GABBR2: variants seen among roughly 807,000 people sequenced by gnomAD.
GABBR2 encodes G-protein coupled receptor 51.
Under a neutral mutation model 105.6 loss-of-function variants are expected in GABBR2, and 23 were observed. That is an observed-to-expected ratio of 0.22 (90% CI 0.16 to 0.31). The LOEUF is 0.31. Among genes scored for constraint, GABBR2 ranks in the 10% least tolerant of loss-of-function variants. The probability of loss-of-function intolerance (pLI) is 1.00; values close to 1 mark genes in which losing one functional copy is unlikely to be tolerated. For synonymous variants in GABBR2, 478 were observed against 499.7 expected, an observed-to-expected ratio of 0.96 and a Z score of 0.58; for missense variants, 734 against 1,245.5, an observed-to-expected ratio of 0.59 and a Z score of 6.18.
chr9:98,461,283 A>G (rs751601445), intron 6 of GABBR2, among the ~76,000 whole-genome samples: 2 of 152,230 alleles, frequency 1.3e-5, no homozygotes, highest in Non-Finnish European at 2.9e-5. Flanking sequence ...TTAAAGAAGA[A>G]CAAAGATTAA....
At chr9:98,293,054 TG>T (rs1830326159) in intron 18 of GABBR2, among the ~76,000 whole-genome samples, 1 of 152,180 alleles carries the variant, frequency 6.6e-6, no homozygotes, top group African/African-American at 2.4e-5. Flanking sequence ...ATGCTGCAAT[TG>T]GTGATTTGGC....
intron 7 of GABBR2, among the ~76,000 whole-genome samples, chr9:98,435,216 A>C (rs1354478900): frequency 6.6e-6 from 1 of 152,252 alleles, no homozygotes; most frequent in Non-Finnish European, 1.5e-5. Context: ...TGGGCTGCCA[A>C]GTAAATTTTC....
chr9:98,642,741 G>A lies in GABBR2; in HGVS notation c.322-64669C>T, dbSNP rs189613672. Among the ~76,000 whole-genome samples, 166 of 152,236 alleles carry A rather than the reference G, an allele frequency of 1.1e-3. 1 individual carries two copies. The highest frequency in any genetic ancestry group is 1.6e-3 in the Non-Finnish European group (111 of 68,022). On this transcript the variant is annotated intron_variant, in intron 1 of 18. Transcript: ENST00000259455. Reference sequence around the variant, plus strand: ...TCATTTTGTGAAAATTCTGTTTTAGGCGTGCGCGTGTGTGTGTAGGTGTGA... The same window carrying A: ...TCATTTTGTGAAAATTCTGTTTTAGACGTGCGCGTGTGTGTGTAGGTGTGA...
At chr9:98,681,155 C>A (rs963346224) in intron 1 of GABBR2, among the ~76,000 whole-genome samples, 2 of 146,990 alleles carry the variant, frequency 1.4e-5, no homozygotes, top group Non-Finnish European at 3.0e-5. Context: ...ATGTTTATTG[C>A]GGCATTATTC....
chr9:98,659,578 G>A lies in GABBR2; in HGVS notation c.321+48839C>T, dbSNP rs1830230804. Among the ~76,000 whole-genome samples the A allele has an allele frequency of 2.4e-5, 3 of 126,394 alleles. No homozygotes were observed. In the South Asian group the frequency reaches 7.3e-4, roughly 31 times the overall value. 82.9% of individuals were successfully genotyped at this position (126,394 alleles called of 152,430 possible). A position where few individuals can be genotyped will look rare whatever the true frequency, so the allele number is the denominator to read the frequency against. ...GCTCTATTGCCCAGGCTGGAGTGCA[G>A]TGGCACGATCTCAGCTCACTGCAAT... is the stretch of plus-strand genomic sequence containing the variant. On this transcript the variant is annotated intron_variant, in intron 1 of 18. Coordinates refer to ENST00000259455, the MANE Select transcript of GABBR2 (RefSeq NM_005458.8).
In GABBR2 at chr9:98,408,635, C is replaced by T. The variant is rs1228994028; in HGVS notation, c.1237-2494G>A. Among the ~76,000 whole-genome samples, 7 of 152,128 alleles carry T rather than the reference C, an allele frequency of 4.6e-5. 1 individual carries two copies. Among genetic ancestry groups the T allele is most frequent in the South Asian group, 4.1e-4 (2 of 4,820 alleles). ...CAAAAATATTTACCTACTGCGTGCT[C>T]GATACCCTTCTAGGGACTGATGCCT... On this transcript the variant is annotated intron_variant, in intron 7 of 18. Transcript: ENST00000259455.
intron 15 of GABBR2, among the ~76,000 whole-genome samples, 196 bp downstream of exon 15, chr9:98,305,925 T>C (rs1464599702): frequency 6.6e-6 from 1 of 151,650 alleles, no homozygotes; most frequent in Admixed American, 6.6e-5. Context: ...GATTTTTGGG[T>C]GGTGGGACTA....
chr9:98,639,469 C>T (rs1829928524), intron 1 of GABBR2, among the ~76,000 whole-genome samples: 1 of 152,170 alleles, frequency 6.6e-6, no homozygotes, highest in South Asian at 2.1e-4. Flanking sequence ...GCCTCCCCCA[C>T]CACCCCTGGG....
chr9:98,681,581 A>C, intron 1 of GABBR2, among the ~76,000 whole-genome samples: 1 of 147,920 alleles, frequency 6.8e-6, no homozygotes. Flanking sequence ...CTTAAAGTAT[A>C]ATAAAAAAAA....
At chr9:98,584,074 A>G (rs1036345450) in intron 1 of GABBR2, among the ~76,000 whole-genome samples, 2 of 152,214 alleles carry the variant, frequency 1.3e-5, no homozygotes, top group Non-Finnish European at 2.9e-5. Context: ...GAGCCACTCT[A>G]AGTGGGGGTC....
chr9:98,303,284 C>T lies in GABBR2; in HGVS notation c.2369G>A (p.Gly790Asp). Residue 790 changes from glycine (G) to aspartate (D), a missense_variant, in exon 16 of 19, where the codon GGC becomes GAC. Transcript: ENST00000259455. ...CAGGCGATGGTTTTCTGACTGTAGG[C>T]CCTCCAGGCGGGATGTGCTGGCTTG... Reference protein sequence around the residue: ...VNQASTSRLEGLQSENHRLRM... With the variant: ...VNQASTSRLEDLQSENHRLRM... 1 of 1,614,182 alleles carries T rather than the reference C, an allele frequency of 6.2e-7. No homozygotes were observed. The highest frequency in any genetic ancestry group is 8.5e-7 in the Non-Finnish European group (1 of 1,180,022).
intron 1 of GABBR2, among the ~76,000 whole-genome samples, chr9:98,600,726 C>T (rs145803618): frequency 2.6e-5 from 4 of 152,354 alleles, no homozygotes; most frequent in Admixed American, 6.5e-5. Context: ...TCCATCGTTG[C>T]GTGGCCCCTC....
chr9:98,300,911 G>A (rs7863965), intron 16 of GABBR2, among the ~76,000 whole-genome samples: 12,510 of 152,246 alleles, frequency 0.082, 1,775 homozygotes, highest in African/African-American at 0.29. Flanking sequence ...ACAGTTGTCA[G>A]TCATGCCTCG....
At chr9:98,535,466 A>C (rs1210740011) in intron 3 of GABBR2, among the ~76,000 whole-genome samples, 3 of 134,830 alleles carry the variant, frequency 2.2e-5, no homozygotes, top group Non-Finnish European at 3.1e-5. Context: ...AAAATAACAC[A>C]AAAAAAAACC....
At chr9:98,448,983 CA>C (rs1181696694) in intron 7 of GABBR2, among the ~76,000 whole-genome samples, 1 of 151,676 alleles carries the variant, frequency 6.6e-6, no homozygotes, top group Non-Finnish European at 1.5e-5. Context: ...AAGACTTAGC[CA>C]GTGTTTCCAA....
At chr9:98,550,900 T>G (rs1006910290) in intron 2 of GABBR2, among the ~76,000 whole-genome samples, 1 of 152,108 alleles carries the variant, frequency 6.6e-6, no homozygotes, top group Non-Finnish European at 1.5e-5. Context: ...TTTGCAATCT[T>G]CCTGGGGGAC....
chr9:98,436,357 ATATATATATAT>A (rs1825917300), intron 7 of GABBR2, among the ~76,000 whole-genome samples: 1 of 3,258 alleles, frequency 3.1e-4, no homozygotes, highest in African/African-American at 8.9e-4. Context: ...CCATATATAT[ATATATATATAT>A]ATATATATAT....
intron 3 of GABBR2, among the ~76,000 whole-genome samples, chr9:98,501,458 C>T (rs541944364): frequency 3.3e-5 from 5 of 152,286 alleles, no homozygotes; most frequent in African/African-American, 1.2e-4. Flanking sequence ...AGCCACTGCA[C>T]GTGGCCAGGA....
At chr9:98,697,194 C>T (rs986608923) in intron 1 of GABBR2, among the ~76,000 whole-genome samples, 1 of 152,076 alleles carries the variant, frequency 6.6e-6, no homozygotes, top group Non-Finnish European at 1.5e-5. Context: ...AAAATGCAGA[C>T]AATAAGAGCA....
Sources: allele counts gnomAD v4.1 joint callset (sites outside exome capture counted in the v4.1 genomes callset), GRCh38; gene constraint gnomAD v4.1.1; transcripts MANE v1.5; gene names NCBI Gene and HGNC (gene_info 2026-07-23, HGNC 2026-07-21).